LPL: variants seen among roughly 807,000 people sequenced by gnomAD.
The protein encoded by LPL is lipoprotein lipase, also known as phospholipase A1.
A neutral mutation model predicts 52.2 loss-of-function variants in LPL; 43 were observed. That is an observed-to-expected ratio of 0.82 (90% CI 0.64 to 1.06). The LOEUF (loss-of-function observed/expected upper bound fraction) is 1.06, where lower values mean the gene tolerates loss of function less well. LPL is among the 50% of genes least tolerant of loss of function. LPL has a pLI of 0.00. For missense variants in LPL, 639 were observed against 585.3 expected (o/e 1.09, Z -0.95); for synonymous variants, 244 against 215.6 (o/e 1.13, Z -1.15).
intron 5 of LPL, 42 bp downstream of exon 5, chr8:19,954,395 T>C (rs1362619251): frequency 6.4e-7 from 1 of 1,567,428 alleles, no homozygotes; most frequent in South Asian, 1.1e-5. Flanking sequence ...ACTCTTATCC[T>C]TAACCCTTAT....
At chr8:19,962,983 C>T (rs193118446) in intron 9 of LPL, among the ~76,000 whole-genome samples, 5 of 152,128 alleles carry the variant, frequency 3.3e-5, no homozygotes, top group Non-Finnish European at 7.3e-5. Context: ...CCCTGCCAGA[C>T]AGCAAGTGCT....
At chr8:19,941,956 C>G (rs982148525) in intron 1 of LPL, among the ~76,000 whole-genome samples, 2 of 152,170 alleles carry the variant, frequency 1.3e-5, no homozygotes, top group African/African-American at 4.8e-5. Flanking sequence ...ATGGTCAGTG[C>G]TTAGCAGCTG....
In LPL at chr8:19,950,740, G is replaced by C. The variant is rs2128837455; in HGVS notation, c.250-1029G>C. The stretch of plus-strand genomic sequence containing the variant: ...AATCGCTTGAACCAAGGAGGCGGAG[G>C]TTGCACTGAGCTGAGATCATGCCAC... On this transcript the variant is annotated intron_variant, in intron 2 of 9. Transcript: ENST00000650287. The surrounding 1 kb of genome is among the most constrained non-coding windows in gnomAD (Gnocchi z 4.2). Among the ~76,000 whole-genome samples, 1 of 152,266 alleles carries C rather than the reference G, an allele frequency of 6.6e-6. No homozygotes were observed. Among genetic ancestry groups the C allele is most frequent in the Admixed American group, 6.5e-5 (1 of 15,294 alleles).
At chr8:19,940,926 A>G (rs985575756) in intron 1 of LPL, among the ~76,000 whole-genome samples, 1 of 148,606 alleles carries the variant, frequency 6.7e-6, no homozygotes, top group Admixed American at 6.6e-5. Flanking sequence ...CACCGTCTCT[A>G]TAAAAAAAAA....
intron 1 of LPL, among the ~76,000 whole-genome samples, chr8:19,945,284 A>T (rs1378160401): frequency 2.0e-5 from 3 of 152,142 alleles, no homozygotes; most frequent in African/African-American, 7.2e-5. Flanking sequence ...TGGGAAGCAT[A>T]TTCATCTTAC....
intron 6 of LPL, among the ~76,000 whole-genome samples, chr8:19,957,661 G>A (rs2069998719): frequency 1.3e-5 from 2 of 152,134 alleles, no homozygotes; most frequent in Admixed American, 1.3e-4. Context: ...TCAATTCAAT[G>A]TCTCTTCATC....
At chr8:19,942,598 A>G (rs754670443) in intron 1 of LPL, among the ~76,000 whole-genome samples, 3 of 152,200 alleles carry the variant, frequency 2.0e-5, no homozygotes, top group Non-Finnish European at 4.4e-5. Flanking sequence ...CTAACCTGGG[A>G]GTAAAATTCT....
At position 19,954,116 on chromosome 8, in the gene LPL, T is replaced by C. The variant is rs751730014; in HGVS notation, c.542-4T>C. 1 of 1,610,720 alleles carries C rather than the reference T, an allele frequency of 6.2e-7. No individual in the cohort carries two copies. The highest frequency in any genetic ancestry group is 8.5e-7 in the Non-Finnish European group (1 of 1,176,846). ...TCTGTGTTCCTGCTTTTTTCCCTTT[T>C]AAGGCCTCGATCCAGCTGGACCTAA... On this transcript the variant is annotated splice_polypyrimidine_tract_variant and splice_region_variant and intron_variant, in intron 4 of 9. Transcript: ENST00000650287.
chr8:19,959,520 T>C (rs2070018380), intron 7 of LPL, 140 bp downstream of exon 7: 1 of 1,078,444 alleles, frequency 9.3e-7, no homozygotes, highest in Non-Finnish European at 1.3e-6. Flanking sequence ...ATTGAGGTCT[T>C]TCCTCTATTT....
intron 4 of LPL, 116 bp from the exon 5 acceptor site, chr8:19,954,004 A>C: frequency 2.6e-6 from 2 of 768,246 alleles, no homozygotes; most frequent in Non-Finnish European, 2.3e-6. Flanking sequence ...ACTGTAGAAT[A>C]GGAGCTAATA....
At chr8:19,961,119 C>G in intron 8 of LPL, 36 bp downstream of exon 8, 1 of 1,594,138 alleles carries the variant, frequency 6.3e-7, no homozygotes, top group Non-Finnish European at 8.6e-7. Context: ...CACTTTAGAC[C>G]CCCACCTGAT....
intron 2 of LPL, 167 bp from the exon 3 acceptor site, chr8:19,951,602 G>A: frequency 2.5e-6 from 2 of 797,866 alleles, no homozygotes; most frequent in Non-Finnish European, 4.4e-6. Context: ...TGCCTTGGAA[G>A]GGACAGACCT....
At position 19,961,031 on chromosome 8, in the gene LPL, C is replaced by T; in HGVS notation, c.1270C>T (p.Pro424Ser). The change falls in exon 8 of 10, where the codon CCC becomes TCC. Residue 424 changes from proline to serine, a missense_variant. By Grantham distance (74) the Pro-to-Ser change is moderately conservative. Coordinates refer to ENST00000650287, the MANE Select transcript of LPL (RefSeq NM_000237.3). ...TAGCTGGTCAGACTGGTGGAGCAGT[C>T]CCGGCTTCGCCATTCAGAAGATCAG... ...YFSWSDWWSSPGFAIQKIRVK... is the reference protein window; with the variant it reads ...YFSWSDWWSSSGFAIQKIRVK... The T allele has an allele frequency of 1.2e-6, 2 of 1,614,074 alleles. No homozygotes were observed. Among genetic ancestry groups the T allele is most frequent in the Non-Finnish European group, 1.7e-6 (2 of 1,179,972 alleles).
chr8:19,964,718 G>A (rs1304361002), intron 9 of LPL, among the ~76,000 whole-genome samples: 10 of 151,698 alleles, frequency 6.6e-5, no homozygotes, highest in Non-Finnish European at 1.0e-4. Flanking sequence ...TAGTAGAGAC[G>A]GAGTTTCACC....
At chr8:19,949,574 C>T (rs560449244) in intron 2 of LPL, among the ~76,000 whole-genome samples, 12 of 152,328 alleles carry the variant, frequency 7.9e-5, no homozygotes, top group African/African-American at 2.9e-4. Context: ...CCTCCGCCAC[C>T]TGGGCATAAG....
rs1039930161 is a variant in LPL, at chr8:19,944,482, C to A, written c.89-3698C>A. On this transcript the variant is annotated intron_variant, in intron 1 of 9. Transcript: ENST00000650287. The surrounding 1 kb of genome is among the most constrained non-coding windows in gnomAD (Gnocchi z 4.2). ...GAGAGAGAAAGGGGTGGGGGGATAACAGGAGAACAGAAATTCCAAAGAGAA... is the reference window on the plus strand; with the variant it reads ...GAGAGAGAAAGGGGTGGGGGGATAAAAGGAGAACAGAAATTCCAAAGAGAA... 1.3e-5 allele frequency among the ~76,000 whole-genome samples: 2 copies of A among 151,744 alleles called. No homozygotes were observed. Among genetic ancestry groups the A allele is most frequent in the Non-Finnish European group, 2.9e-5 (2 of 67,954 alleles).
Position 19,950,917 on chromosome 8 carries a change from T to TGAAGGAAGGAAGGAAGGAAG in LPL, c.250-835_250-834insAAGGAAGGAAGGAAGGAAGG, listed in dbSNP as rs147472779. Among the ~76,000 whole-genome samples, 11 of 101,088 alleles carry TGAAGGAAGGAAGGAAGGAAG rather than the reference T, an allele frequency of 1.1e-4. No individual in the cohort carries two copies. Among genetic ancestry groups the TGAAGGAAGGAAGGAAGGAAG allele is most frequent in the Middle Eastern group, 6.0e-3 (1 of 168 alleles). 66.3% of individuals were successfully genotyped at this position (101,088 alleles called of 152,430 possible). A position where few individuals can be genotyped will look rare whatever the true frequency, so the allele number is the denominator to read the frequency against. On this transcript the variant is annotated intron_variant, in intron 2 of 9. Transcript: ENST00000650287. The surrounding 1 kb of genome is among the most constrained non-coding windows in gnomAD (Gnocchi z 4.2). ...AGGAATGAAGGAAGGAAGGAAGGAA[T>TGAAGGAAGGAAGGAAGGAAG]GAAGGAAGGAAGGAAGGGAGGGAGG...
Position 19,939,665 on chromosome 8 carries a change from C to G in LPL, c.88+137C>G. On this transcript the variant is annotated intron_variant, in intron 1 of 9. Coordinates refer to ENST00000650287, the MANE Select transcript of LPL (RefSeq NM_000237.3). This position sits in a 1 kb window ranked among gnomAD's most constrained non-coding sequence, Gnocchi z 4.0. ...GACTCTCCCAGCCTGGGCTCTAGCC[C>G]CGAAACGGTCCCCGGAGTGGGATCC... The G allele has an allele frequency of 4.6e-6, 4 of 860,486 alleles. No individual in the cohort carries two copies. The highest frequency in any genetic ancestry group is 7.2e-6 in the Non-Finnish European group (4 of 558,438). The allele number at this position is 860,486 out of a possible 1,614,324, so 53.3% of individuals were successfully genotyped here.
Position 19,941,776 on chromosome 8 carries a change from A to C in LPL, c.88+2248A>C, listed in dbSNP as rs377274389. Among the ~76,000 whole-genome samples the C allele has an allele frequency of 1.6e-4, 25 of 152,284 alleles. No homozygotes were observed. In the East Asian group the frequency reaches 3.1e-3, roughly 19 times the overall value. ...GAGAGAAAGATGTCACCGTGGTAGA[A>C]AGACAGGGATCACCTCCTCTGGGCT... On this transcript the variant is annotated intron_variant, in intron 1 of 9. Transcript: ENST00000650287.
Sources: allele counts gnomAD v4.1 joint callset (sites outside exome capture counted in the v4.1 genomes callset), GRCh38; gene constraint gnomAD v4.1.1; non-coding constraint Gnocchi (gnomAD v3.1); transcripts MANE v1.5; gene names NCBI Gene and HGNC (gene_info 2026-07-23, HGNC 2026-07-21).